Variants in ANKS1A observed in about 807,000 individuals in gnomAD.
ANKS1A encodes the protein ankyrin repeat and sterile alpha motif domain containing 1A.
A neutral mutation model predicts 120.3 loss-of-function variants in ANKS1A; 55 were observed. The ratio of observed to expected loss-of-function variants is 0.46; its 90% CI spans 0.37 to 0.57. The LOEUF is 0.57. Among genes scored for constraint, ANKS1A ranks in the 20% least tolerant of loss-of-function variants. The pLI is 0.00. For missense variants in ANKS1A, 1,123 were observed against 1,480.3 expected (o/e 0.76, Z 3.96); for synonymous variants, 590 against 604.7 (o/e 0.98, Z 0.36).
At chr6:35,053,070 C>T (rs1473456675) in intron 11 of ANKS1A, among the ~76,000 whole-genome samples, 1 of 152,224 alleles carries the variant, frequency 6.6e-6, no homozygotes. Flanking sequence ...ACGGCTTTGT[C>T]TGCCAGCTGA....
chr6:35,082,739 G>A lies in ANKS1A; in HGVS notation c.2758G>A (p.Ala920Thr), dbSNP rs1249265846. 3 of 1,613,480 alleles carry A rather than the reference G, an allele frequency of 1.9e-6. No homozygotes were observed. The highest frequency in any genetic ancestry group is 2.7e-5 in the African/African-American group (2 of 74,904). ...GACCCTGCGGCCCCCGAGCCTGGCA[G>A]CCCCCTACGCCCCAGTGCAGAGTTG... Reference protein sequence around the residue: ...KLTLRPPSLAAPYAPVQSWQH... With the variant: ...KLTLRPPSLATPYAPVQSWQH... Residue 920 changes from alanine to threonine, a missense_variant, in exon 18 of 24, where the codon GCC (alanine) becomes ACC (threonine). Physicochemically the swap from Ala to Thr is moderately conservative, Grantham distance 58. Around this residue, in one of 3 missense-constraint regions of ANKS1A, gnomAD observed 904 missense variants for 1,130.4 expected, o/e 0.80. Transcript: ENST00000360359. The surrounding 1 kb of genome is among the most constrained non-coding windows in gnomAD (Gnocchi z 4.1).
In ANKS1A at chr6:35,080,898, C is replaced by T. The variant is rs182113924; in HGVS notation, c.2545-96C>T. 3.2e-3 allele frequency: 4,631 copies of T among 1,452,272 alleles called. 8 individuals carry two copies. Among genetic ancestry groups the T allele is most frequent in the Non-Finnish European group, 3.2e-3 (3,447 of 1,072,444 alleles). 90.0% of individuals were successfully genotyped at this position (1,452,272 alleles called of 1,614,324 possible). A position where few individuals can be genotyped will look rare whatever the true frequency, so the allele number is the denominator to read the frequency against. The stretch of plus-strand genomic sequence containing the variant: ...CTCCCTGCTGCTTCTCCCGGTGCCG[C>T]TGCCTGTGCCGTCCTAACCAGTGGG... On this transcript the variant is annotated intron_variant, in intron 16 of 23. Transcript: ENST00000360359.
intron 13 of ANKS1A, among the ~76,000 whole-genome samples, chr6:35,077,285 T>C (rs1777416811): frequency 6.6e-6 from 1 of 151,994 alleles, no homozygotes; most frequent in Non-Finnish European, 1.5e-5. Context: ...TAGCTGAAGT[T>C]GGAGCAAATG....
chr6:34,910,254 T>C (rs1240273542), intron 1 of ANKS1A, among the ~76,000 whole-genome samples: 4 of 152,204 alleles, frequency 2.6e-5, no homozygotes, highest in African/African-American at 9.7e-5. Flanking sequence ...ATCTCTCCTA[T>C]GACTTTGCAT....
chr6:34,937,803 A>C (rs1769333926), intron 1 of ANKS1A, among the ~76,000 whole-genome samples: 1 of 152,218 alleles, frequency 6.6e-6, no homozygotes, highest in South Asian at 2.1e-4. Flanking sequence ...AGTAATAATC[A>C]GACTCTGGCA....
chr6:35,078,719 C>G (rs1158446793), intron 14 of ANKS1A, 63 bp downstream of exon 14: 7 of 1,483,388 alleles, frequency 4.7e-6, no homozygotes, highest in Admixed American at 1.7e-5. Context: ...CCTAGCACCA[C>G]CTGCACCAAG....
intron 9 of ANKS1A, among the ~76,000 whole-genome samples, chr6:34,990,659 A>G (rs1425703717): frequency 2.6e-5 from 4 of 152,194 alleles, no homozygotes; most frequent in South Asian, 4.1e-4. Flanking sequence ...AGAACTTTCT[A>G]TTCTCCCAAG....
chr6:34,891,755 A>G (rs1766834686), intron 1 of ANKS1A, among the ~76,000 whole-genome samples: 1 of 152,146 alleles, frequency 6.6e-6, no homozygotes. Flanking sequence ...CAGCCTCCCA[A>G]GTAGCTGGGA....
Position 35,082,647 on chromosome 6 carries a change from C to G in ANKS1A, c.2710-44C>G, listed in dbSNP as rs148229562. 60 of 1,574,922 alleles carry G rather than the reference C, an allele frequency of 3.8e-5. No homozygotes were observed. The African/African-American group carries it at 5.5e-4, about 15-fold the overall frequency. ...GAGCCAGGCAGCAAGCCCATGTGCTCCTCTGGAGCAAGGAGCAGGTGTCCA... is the reference window on the plus strand; with the variant it reads ...GAGCCAGGCAGCAAGCCCATGTGCTGCTCTGGAGCAAGGAGCAGGTGTCCA... On this transcript the variant is annotated intron_variant, in intron 17 of 23. Transcript: ENST00000360359. This position sits in a 1 kb window ranked among gnomAD's most constrained non-coding sequence, Gnocchi z 4.1.
intron 1 of ANKS1A, among the ~76,000 whole-genome samples, chr6:34,944,123 A>G (rs567073959): frequency 6.6e-6 from 1 of 152,248 alleles, no homozygotes; most frequent in South Asian, 2.1e-4. Context: ...AAATACAAAA[A>G]CAAAGTTAGC....
At chr6:34,902,735 G>A (rs1033288841) in intron 1 of ANKS1A, among the ~76,000 whole-genome samples, 5 of 138,468 alleles carry the variant, frequency 3.6e-5, no homozygotes, top group Non-Finnish European at 4.8e-5. Context: ...CCCGGAAGGC[G>A]GAGGTTGCAG....
chr6:34,942,936 C>T (rs1769604676), intron 1 of ANKS1A, among the ~76,000 whole-genome samples: 1 of 150,764 alleles, frequency 6.6e-6, no homozygotes, highest in African/African-American at 2.4e-5. Context: ...CCTTCCCCCT[C>T]CTTTTCCTTT....
At chr6:34,921,488 G>A (rs533116173) in intron 1 of ANKS1A, among the ~76,000 whole-genome samples, 110 of 152,188 alleles carry the variant, frequency 7.2e-4, no homozygotes, top group African/African-American at 2.6e-3. Context: ...TTATAACATC[G>A]CTACATTTTA....
intron 1 of ANKS1A, among the ~76,000 whole-genome samples, chr6:34,915,783 G>A (rs1768126193): frequency 6.6e-6 from 1 of 151,984 alleles, no homozygotes. Context: ...CTTCCATTTT[G>A]AGGTGGACCA....
intron 1 of ANKS1A, among the ~76,000 whole-genome samples, chr6:34,945,984 T>TTTA (rs1438315114): frequency 1.0e-4 from 14 of 138,796 alleles, no homozygotes; most frequent in South Asian, 9.4e-4. Flanking sequence ...TTTTTATTTA[T>TTTA]TTTTTTTTTT....
intron 1 of ANKS1A, among the ~76,000 whole-genome samples, chr6:34,945,568 A>T (rs937126629): frequency 6.6e-6 from 1 of 152,010 alleles, no homozygotes; most frequent in African/African-American, 2.4e-5. Context: ...TGGGCTCTCT[A>T]TTCTGTTCCA....
intron 1 of ANKS1A, among the ~76,000 whole-genome samples, chr6:34,929,468 A>G (rs1768871130): frequency 1.3e-5 from 2 of 152,144 alleles, no homozygotes; most frequent in Admixed American, 1.3e-4. Context: ...CTTGCTTTCC[A>G]TTCACCTGTG....
In ANKS1A at chr6:35,034,211, A is replaced by C. The variant is rs183513960; in HGVS notation, c.2010+16152A>C. Among the ~76,000 whole-genome samples the C allele has an allele frequency of 6.6e-5, 10 of 152,298 alleles. No individual in the cohort carries two copies. In the East Asian group the frequency reaches 1.9e-3, roughly 29 times the overall value. On this transcript the variant is annotated intron_variant, in intron 11 of 23. Transcript: ENST00000360359. ...AGCATATGTGTGTTTGTTTCATTGTAGTGATCCACTGCAAATTGTGTATAA... is the reference window on the plus strand; with the variant it reads ...AGCATATGTGTGTTTGTTTCATTGTCGTGATCCACTGCAAATTGTGTATAA...
intron 1 of ANKS1A, among the ~76,000 whole-genome samples, chr6:34,954,212 C>G (rs1291661798): frequency 6.6e-6 from 1 of 152,188 alleles, no homozygotes; most frequent in Admixed American, 6.5e-5. Context: ...TCACTATCCA[C>G]CTTTCTGTTA....
Sources: allele counts gnomAD v4.1 joint callset (sites outside exome capture counted in the v4.1 genomes callset), GRCh38; gene constraint gnomAD v4.1.1; regional missense constraint gnomAD v4.1.1; non-coding constraint Gnocchi (gnomAD v3.1); transcripts MANE v1.5; gene names NCBI Gene and HGNC (gene_info 2026-07-23, HGNC 2026-07-21).